IL23R: variants seen among roughly 807,000 people sequenced by gnomAD.
The protein encoded by IL23R is interleukin 23 receptor.
Under a neutral mutation model 56.9 loss-of-function variants are expected in IL23R, and 34 were observed. The observed-to-expected ratio is 0.60, with a 90% CI of 0.45 to 0.80. IL23R has a LOEUF of 0.80. IL23R is among the 30% of genes least tolerant of loss of function. IL23R has a pLI of 0.00. For missense variants in IL23R, 635 were observed against 730.0 expected, an observed-to-expected ratio of 0.87 and a Z score of 1.50; for synonymous variants, 230 against 249.2, an observed-to-expected ratio of 0.92 and a Z score of 0.73.
At chr1:67,157,493 C>A (rs1646779594) in intron 1 of IL23R, among the ~76,000 whole-genome samples, 1 of 152,220 alleles carries the variant, frequency 6.6e-6, no homozygotes, top group African/African-American at 2.4e-5. Flanking sequence ...CAACTGTCCA[C>A]TACTCTTCAC....
intron 4 of IL23R, among the ~76,000 whole-genome samples, chr1:67,195,631 C>T (rs1553288934): frequency 3.3e-5 from 5 of 152,002 alleles, no homozygotes; most frequent in Admixed American, 6.6e-5. Flanking sequence ...AGTGATCTCA[C>T]GCTGGTATGA....
At chr1:67,242,879 A>G (rs1651940385) in intron 9 of IL23R, among the ~76,000 whole-genome samples, 1 of 152,080 alleles carries the variant, frequency 6.6e-6, no homozygotes, top group Non-Finnish European at 1.5e-5. Flanking sequence ...GTGACAATTG[A>G]ATGAAATCCC....
intron 1 of IL23R, among the ~76,000 whole-genome samples, chr1:67,166,869 T>C (rs904634363): frequency 2.0e-5 from 3 of 152,186 alleles, no homozygotes; most frequent in Non-Finnish European, 4.4e-5. Flanking sequence ...TTACTAGATA[T>C]TTTATGCGAT....
intron 4 of IL23R, among the ~76,000 whole-genome samples, chr1:67,188,802 AG>A (rs2102598504): frequency 6.6e-6 from 1 of 152,224 alleles, no homozygotes; most frequent in East Asian, 1.9e-4. Context: ...CCTCTTTTAT[AG>A]GGGCACTAAA....
chr1:67,166,159 TA>T (rs1243627963), upstream of IL23R, among the ~76,000 whole-genome samples: 1 of 152,230 alleles, frequency 6.6e-6, no homozygotes, highest in Non-Finnish European at 1.5e-5. Context: ...ATGCTGGTTG[TA>T]AATTAAAACT....
At chr1:67,217,517 A>G (rs894923215) in intron 6 of IL23R, among the ~76,000 whole-genome samples, 1 of 152,042 alleles carries the variant, frequency 6.6e-6, no homozygotes, top group Non-Finnish European at 1.5e-5. Flanking sequence ...GGAGACTAAC[A>G]ACTTCCTTAC....
At chr1:67,184,573 A>T (rs76237394) in intron 4 of IL23R, among the ~76,000 whole-genome samples, 3 of 2,276 alleles carry the variant, frequency 1.3e-3, no homozygotes, top group African/African-American at 5.3e-3. Flanking sequence ...TAAAATAAAT[A>T]AAATAAAATA....
chr1:67,194,154 G>A (rs1162391136), intron 4 of IL23R, among the ~76,000 whole-genome samples: 1 of 152,176 alleles, frequency 6.6e-6, no homozygotes, highest in Non-Finnish European at 1.5e-5. Context: ...TCAGATATCT[G>A]GAAGCTCCCT....
At chr1:67,206,882 G>GTA in intron 5 of IL23R, 28 bp from the exon 6 acceptor site, 7 of 1,286,428 alleles carry the variant, frequency 5.4e-6, no homozygotes, top group East Asian at 3.3e-5. Flanking sequence ...AAACAGCCAG[G>GTA]TCTTTTTTTT....
chr1:67,181,165 C>A (rs1647135952), intron 3 of IL23R, among the ~76,000 whole-genome samples: 1 of 152,096 alleles, frequency 6.6e-6, no homozygotes, highest in Non-Finnish European at 1.5e-5. Flanking sequence ...GAATGTTGGC[C>A]TGCCTTGCTA....
At chr1:67,239,770 CT>C (rs1185523699) in intron 8 of IL23R, among the ~76,000 whole-genome samples, 2 of 152,098 alleles carry the variant, frequency 1.3e-5, no homozygotes, top group Non-Finnish European at 2.9e-5. Context: ...CACATTCTAT[CT>C]CACACAAAAA....
At chr1:67,247,132 A>G (rs1356172389) in intron 9 of IL23R, among the ~76,000 whole-genome samples, 1 of 148,244 alleles carries the variant, frequency 6.7e-6, no homozygotes, top group South Asian at 2.1e-4. Flanking sequence ...CTAGGATTGC[A>G]ACCCCTGCTT....
intron 4 of IL23R, among the ~76,000 whole-genome samples, chr1:67,191,605 T>G (rs1397793170): frequency 6.6e-6 from 1 of 152,176 alleles, no homozygotes; most frequent in Admixed American, 6.5e-5. Context: ...TCTCTGTTTC[T>G]TTTTATGAAA....
At chr1:67,231,570 G>C (rs746964078) in intron 7 of IL23R, among the ~76,000 whole-genome samples, 2 of 152,040 alleles carry the variant, frequency 1.3e-5, no homozygotes, top group African/African-American at 4.8e-5. Flanking sequence ...ACTGAGTTTC[G>C]TTTGAGTCTG....
rs200206363 is a variant in IL23R, at chr1:67,206,035, CAG to C, written c.653-872_653-871del. Among the ~76,000 whole-genome samples the C allele has an allele frequency of 9.5e-4, 143 of 149,790 alleles. 5 individuals carry two copies. In the East Asian group the frequency reaches 0.026, roughly 27 times the overall value. On this transcript the variant is annotated intron_variant, in intron 5 of 10. Transcript: ENST00000347310. ...TTCCCTTCCTTTCTTTCTTTTTTGA[CAG>C]AGTCTCGCTCCGCCACCCAGGCTGG...
At chr1:67,180,520 C>T (rs879146278) in intron 3 of IL23R, among the ~76,000 whole-genome samples, 7 of 152,040 alleles carry the variant, frequency 4.6e-5, no homozygotes, top group Admixed American at 1.3e-4. Flanking sequence ...TGTCTCTGCA[C>T]GTGAGATGGG....
chr1:67,199,887 G>T (rs939841188), intron 4 of IL23R, among the ~76,000 whole-genome samples: 1 of 151,968 alleles, frequency 6.6e-6, no homozygotes, highest in African/African-American at 2.4e-5. Context: ...AAAAGTTAGC[G>T]TTTTTGTCCA....
chr1:67,176,950 T>C (rs1246266597), intron 3 of IL23R, among the ~76,000 whole-genome samples: 1 of 152,204 alleles, frequency 6.6e-6, no homozygotes, highest in East Asian at 1.9e-4. Flanking sequence ...CATGAACTCA[T>C]CATTTTTTAT....
At chr1:67,158,370 T>G (rs540478723) in intron 1 of IL23R, among the ~76,000 whole-genome samples, 1 of 152,312 alleles carries the variant, frequency 6.6e-6, no homozygotes, top group African/African-American at 2.4e-5. Context: ...TAGAAACTTG[T>G]AATGAAGTAG....
Sources: allele counts gnomAD v4.1 joint callset (sites outside exome capture counted in the v4.1 genomes callset), GRCh38; gene constraint gnomAD v4.1.1; transcripts MANE v1.5; gene names NCBI Gene and HGNC (gene_info 2026-07-23, HGNC 2026-07-21).